Variants in RBFOX1 observed in about 807,000 individuals in gnomAD.
The protein encoded by RBFOX1 is RNA binding protein fox-1 homolog 1.
In RBFOX1, 8 loss-of-function variants were observed where a neutral mutation model predicts 57.7. That is an observed-to-expected ratio of 0.14 (90% CI 0.08 to 0.25). RBFOX1 has a LOEUF of 0.25. RBFOX1 is among the 10% of genes least tolerant of loss of function. The pLI, the probability that RBFOX1 is intolerant of heterozygous loss-of-function variation, is 1.00. For missense variants in RBFOX1, 611 were observed against 548.5 expected (o/e 1.11, Z -1.14); for synonymous variants, 326 against 222.4 (o/e 1.47, Z -4.15).
intron 1 of RBFOX1, among the ~76,000 whole-genome samples, chr16:6,031,152 C>T (rs2095283131): frequency 6.6e-6 from 1 of 152,144 alleles, no homozygotes; most frequent in East Asian, 1.9e-4. Flanking sequence ...TATTGGGCCA[C>T]ATTTAAGCTA....
chr16:6,995,416 C>G (rs1291354679), intron 3 of RBFOX1, among the ~76,000 whole-genome samples: 1 of 151,000 alleles, frequency 6.6e-6, no homozygotes, highest in Non-Finnish European at 1.5e-5. Context: ...TGTGATAGAC[C>G]TATGGGGTGT....
intron 2 of RBFOX1, among the ~76,000 whole-genome samples, chr16:6,463,338 A>T (rs952886879): frequency 6.6e-5 from 10 of 152,122 alleles, no homozygotes; most frequent in Non-Finnish European, 1.5e-4. Context: ...AACTCTATTA[A>T]CTCAGGTCAA....
intron 4 of RBFOX1, among the ~76,000 whole-genome samples, chr16:7,056,410 C>G (rs900133047): frequency 6.6e-6 from 1 of 152,156 alleles, no homozygotes; most frequent in Admixed American, 6.5e-5. Context: ...GAGGAGCTCA[C>G]TATGGAATCT....
chr16:5,308,513 T>G (rs1228521739), intron 1 of RBFOX1, among the ~76,000 whole-genome samples: 3 of 152,302 alleles, frequency 2.0e-5, no homozygotes, highest in African/African-American at 7.2e-5. Flanking sequence ...TAATTCAGAT[T>G]TCTGGCTGTG....
intron 3 of RBFOX1, among the ~76,000 whole-genome samples, chr16:6,983,018 G>GGAAA (rs1491337175): frequency 1.1e-5 from 1 of 87,684 alleles, no homozygotes; most frequent in African/African-American, 4.0e-5. Flanking sequence ...AAAAAAAAAA[G>GGAAA]GAAAGGTGTC....
At chr16:7,127,261 G>A (rs149553729) in intron 4 of RBFOX1, among the ~76,000 whole-genome samples, 16 of 152,260 alleles carry the variant, frequency 1.1e-4, no homozygotes, top group African/African-American at 3.9e-4. Context: ...CCATGGTGTT[G>A]TCAGCAATAT....
At position 6,312,820 on chromosome 16, in the gene RBFOX1, C is replaced by A. The variant is rs1416646467; in HGVS notation, c.-126-4175C>A. On this transcript the variant is annotated intron_variant, in intron 1 of 15. Transcript: ENST00000550418. ...CCTTGGGTAAATATTTACTGAATGT[C>A]TGCCATATCCATAGCATTGTGATCA... is the stretch of plus-strand genomic sequence containing the variant. Among the ~76,000 whole-genome samples the A allele has an allele frequency of 2.0e-5, 3 of 151,874 alleles. No homozygotes were observed. In the East Asian group the frequency reaches 5.8e-4, roughly 29 times the overall value.
chr16:7,009,183 T>G (rs1250703537), intron 3 of RBFOX1, among the ~76,000 whole-genome samples: 2 of 112,958 alleles, frequency 1.8e-5, no homozygotes, highest in African/African-American at 6.4e-5. Flanking sequence ...TCTTGCTCTT[T>G]CTCTTTCTCT....
intron 3 of RBFOX1, among the ~76,000 whole-genome samples, chr16:5,708,976 C>T (rs2051353380): frequency 1.3e-5 from 2 of 152,196 alleles, no homozygotes; most frequent in South Asian, 2.1e-4. Flanking sequence ...CGGGCCATGG[C>T]AGTGTTAGCA....
At chr16:7,681,450 C>T (rs1366483777) in intron 14 of RBFOX1, among the ~76,000 whole-genome samples, 1 of 152,132 alleles carries the variant, frequency 6.6e-6, no homozygotes, top group Non-Finnish European at 1.5e-5. Flanking sequence ...CAGGCTACTT[C>T]CTGTCTATTT....
At chr16:5,291,510 C>T (rs536082799) in intron 1 of RBFOX1, among the ~76,000 whole-genome samples, 16 of 152,218 alleles carry the variant, frequency 1.1e-4, no homozygotes, top group South Asian at 2.1e-4. Flanking sequence ...ATGATCCACC[C>T]GCCTCGGCCT....
At chr16:5,331,039 C>T (rs1354830828) in intron 1 of RBFOX1, among the ~76,000 whole-genome samples, 1 of 152,104 alleles carries the variant, frequency 6.6e-6, no homozygotes, top group African/African-American at 2.4e-5. Flanking sequence ...TACTTGGTAT[C>T]AGGCACCAAA....
chr16:7,102,346 C>G (rs2062839234), intron 4 of RBFOX1, among the ~76,000 whole-genome samples: 1 of 152,164 alleles, frequency 6.6e-6, no homozygotes, highest in Non-Finnish European at 1.5e-5. Flanking sequence ...GATACAGAGC[C>G]TAAGTCTTAC....
In RBFOX1 at chr16:5,925,436, A is replaced by G. The variant is rs145905206; in HGVS notation, c.351+58101A>G. Among the ~76,000 whole-genome samples the G allele has an allele frequency of 1.9e-3, 292 of 152,344 alleles. 1 individual carries two copies. The highest frequency in any genetic ancestry group is 6.6e-3 in the African/African-American group (275 of 41,586). On this transcript the variant is annotated intron_variant, in intron 4 of 19. Coordinates refer to the RBFOX1 transcript ENST00000641259. ...CACTTACTCCATGATTGCATTTATA[A>G]AAGTGTCCAGAACAGGAAAACCCAT...
Position 6,317,011 on chromosome 16 carries a change from C to T in RBFOX1, c.-110C>T. 1 of 1,535,518 alleles carries T rather than the reference C, an allele frequency of 6.5e-7. No homozygotes were observed. Among genetic ancestry groups the T allele is most frequent in the Admixed American group, 2.0e-5 (1 of 50,976 alleles). Reference sequence around the variant, plus strand: ...CTTCTTTAGGAAACTGGTCAAAGAACTCATGCAAGTGGAACTTACAGCTTC... The same window carrying T: ...CTTCTTTAGGAAACTGGTCAAAGAATTCATGCAAGTGGAACTTACAGCTTC... On this transcript the variant is annotated 5_prime_UTR_variant, in exon 2 of 16. Coordinates refer to ENST00000550418, the MANE Select transcript of RBFOX1 (RefSeq NM_018723.4).
At chr16:5,477,177 GC>G (rs1555445485) in intron 2 of RBFOX1, among the ~76,000 whole-genome samples, 1 of 152,130 alleles carries the variant, frequency 6.6e-6, no homozygotes, top group Non-Finnish European at 1.5e-5. Context: ...ACTACATCCA[GC>G]TAATTTTAAA....
At chr16:5,786,038 G>T (rs1366536912) in intron 3 of RBFOX1, among the ~76,000 whole-genome samples, 1 of 151,982 alleles carries the variant, frequency 6.6e-6, no homozygotes, top group East Asian at 1.9e-4. Flanking sequence ...AGGATCCTTG[G>T]ATCATGTCAT....
At chr16:7,525,158 A>C (rs918486169) in intron 5 of RBFOX1, among the ~76,000 whole-genome samples, 1 of 152,108 alleles carries the variant, frequency 6.6e-6, no homozygotes, top group East Asian at 1.9e-4. Context: ...TCTCTAATTC[A>C]ATCTTTATAT....
At chr16:6,717,315 T>C (rs113194705) in intron 3 of RBFOX1, among the ~76,000 whole-genome samples, 12 of 152,290 alleles carry the variant, frequency 7.9e-5, no homozygotes, top group African/African-American at 1.9e-4. Flanking sequence ...CTTGAACTTA[T>C]CAGCTTTGTG....
Sources: allele counts gnomAD v4.1 joint callset (sites outside exome capture counted in the v4.1 genomes callset), GRCh38; gene constraint gnomAD v4.1.1; transcripts MANE v1.5; gene names NCBI Gene and HGNC (gene_info 2026-07-23, HGNC 2026-07-21).